The following INKA2 variants were observed in gnomAD, a reference collection of about 807,000 sequenced individuals.
INKA2 encodes inka box actin regulator 2.
INKA2 carries 3 observed loss-of-function variants against 9.8 expected under a neutral mutation model. That is an observed-to-expected ratio of 0.31 (90% confidence interval 0.14 to 0.79). The LOEUF (loss-of-function observed/expected upper bound fraction) is 0.79, where lower values mean the gene tolerates loss of function less well. Among genes scored for constraint, INKA2 ranks in the 30% least tolerant of loss-of-function variants. The probability of loss-of-function intolerance (pLI) is 0.62; values close to 1 mark genes in which losing one functional copy is unlikely to be tolerated. For missense variants in INKA2, 392 were observed against 384.4 expected (o/e 1.02, Z -0.17); for synonymous variants, 147 against 143.3 (o/e 1.03, Z -0.18).
upstream of INKA2, among the ~76,000 whole-genome samples, chr1:111,740,789 A>G (rs1436594656): frequency 6.6e-6 from 1 of 152,054 alleles, no homozygotes; most frequent in Non-Finnish European, 1.5e-5. Flanking sequence ...CCTGACCAAC[A>G]TGGAGAAACC....
At chr1:111,739,959 G>A (rs1195681681), upstream of INKA2, 1 of 152,270 alleles carries the variant, frequency 6.6e-6, no homozygotes, top group African/African-American at 2.4e-5. Context: ...GTCACACAAA[G>A]CCGCCGAGGG....
chr1:111,726,931 G>T lies in INKA2; in HGVS notation c.*37C>A. 6.3e-7 allele frequency: 1 copy of T among 1,586,664 alleles called. No individual in the cohort carries two copies. The highest frequency in any genetic ancestry group is 8.6e-7 in the Non-Finnish European group (1 of 1,162,514). The stretch of plus-strand genomic sequence containing the variant: ...CCCAGGGGCCCAGCACTGGGACCTG[G>T]CCCTTTCAGGCTCAGTCAACTTTCT... On this transcript the variant is annotated 3_prime_UTR_variant, in exon 2 of 2. Transcript: ENST00000357260.
At position 111,727,589 on chromosome 1, in the gene INKA2, A is replaced by G; in HGVS notation, c.273T>C (p.Cys91=). The G allele has an allele frequency of 6.2e-7, 1 of 1,611,556 alleles. No individual in the cohort carries two copies. The highest frequency in any genetic ancestry group is 8.5e-7 in the Non-Finnish European group (1 of 1,178,638). ...GGRGPARPTV[C]SPSSQPSLGS... Reference sequence around the variant, plus strand: ...CAAGAGAAGGTTGACTGGAGGGGGAACAGACTGTGGGCCTGGCAGGACCTC... The same window carrying G: ...CAAGAGAAGGTTGACTGGAGGGGGAGCAGACTGTGGGCCTGGCAGGACCTC... The change falls in exon 2 of 2, where the codon TGT becomes TGC. Residue 91 remains cysteine (C), a synonymous_variant. Coordinates refer to ENST00000357260, the MANE Select transcript of INKA2 (RefSeq NM_019099.5).
chr1:111,727,680 C>T lies in INKA2; in HGVS notation c.182G>A (p.Gly61Asp). 6.2e-7 allele frequency: 1 copy of T among 1,612,288 alleles called. No individual in the cohort carries two copies. The highest frequency in any genetic ancestry group is 8.5e-7 in the Non-Finnish European group (1 of 1,179,034). The change falls in exon 2 of 2, where the codon GGT becomes GAT. Residue 61 changes from glycine to aspartate, a missense_variant. Physicochemically the swap from Gly to Asp is moderately conservative, Grantham distance 94. Transcript: ENST00000357260. ...ACCTTCAGGGCTGCCTGGCACAGGA[C>T]CCCCTCCAGAGATCTCCAGCTGTTC... ...ALEQLEISGGGPVPGSPEGPR... is the reference protein window; with the variant it reads ...ALEQLEISGGDPVPGSPEGPR...
At position 111,724,994 on chromosome 1, in the gene INKA2, A is replaced by G. The variant is rs1048243386; in HGVS notation, c.*1974T>C. 6.6e-6 allele frequency: 1 copy of G among 152,246 alleles called. No homozygotes were observed. Among genetic ancestry groups the G allele is most frequent in the African/African-American group, 2.4e-5 (1 of 41,432 alleles). 9.4% of individuals were successfully genotyped at this position (152,246 alleles called of 1,614,324 possible). A position where few individuals can be genotyped will look rare whatever the true frequency, so the allele number is the denominator to read the frequency against. On this transcript the variant is annotated 3_prime_UTR_variant, in exon 2 of 2. Transcript: ENST00000357260. ...AGTGAGTGCTCAACAAAACCCAAAA[A>G]GCATGAGCGCCTTCCTCCCTCCTGC...
At chr1:111,751,049 C>T (rs911991676) in intron 1 of INKA2, among the ~76,000 whole-genome samples, 1 of 152,236 alleles carries the variant, frequency 6.6e-6, no homozygotes, top group African/African-American at 2.4e-5. Flanking sequence ...TCCACTCCCA[C>T]TGCCTGATGA....
At chr1:111,751,219 ACTTGAAG>A (rs1192931347) in intron 1 of INKA2, among the ~76,000 whole-genome samples, 1 of 152,234 alleles carries the variant, frequency 6.6e-6, no homozygotes, top group Non-Finnish European at 1.5e-5. Flanking sequence ...TTCCATACAT[ACTTGAAG>A]CAACTTTGAT....
intron 1 of INKA2, chr1:111,745,265 T>TTATATATATATATATATA (rs71078098): frequency 8.9e-5 from 4 of 45,106 alleles, no homozygotes; most frequent in Non-Finnish European, 1.2e-4. Context: ...CACAGAGATA[T>TTATATATATATATATATA]TATATATATA....
chr1:111,750,084 A>T (rs197380), intron 1 of INKA2, among the ~76,000 whole-genome samples: 20,665 of 152,300 alleles, frequency 0.14, 1,614 homozygotes, highest in African/African-American at 0.21. Flanking sequence ...AAAGAAGAGC[A>T]AACACGCCAC....
chr1:111,732,549 T>C (rs1662930551), intron 1 of INKA2, among the ~76,000 whole-genome samples: 1 of 146,824 alleles, frequency 6.8e-6, no homozygotes, highest in Non-Finnish European at 1.5e-5. Context: ...TCTAACCCAC[T>C]CCTAGTCTCT....
intron 1 of INKA2, among the ~76,000 whole-genome samples, chr1:111,751,315 A>G (rs1663407394): frequency 6.6e-6 from 1 of 152,242 alleles, no homozygotes; most frequent in African/African-American, 2.4e-5. Flanking sequence ...TCAGTTTCTC[A>G]GAAGTTCTCA....
At chr1:111,732,360 C>G (rs1374749907) in intron 1 of INKA2, among the ~76,000 whole-genome samples, 2 of 152,126 alleles carry the variant, frequency 1.3e-5, no homozygotes, top group Non-Finnish European at 2.9e-5. Flanking sequence ...AAATCCCGAG[C>G]AGACATGAGT....
At chr1:111,746,750 T>C (rs1271951695) in intron 1 of INKA2, 1 of 152,016 alleles carries the variant, frequency 6.6e-6, no homozygotes, top group African/African-American at 2.4e-5. Flanking sequence ...CCTTGGGAGG[T>C]AGGTGCTGCT....
intron 1 of INKA2, among the ~76,000 whole-genome samples, chr1:111,753,461 T>C (rs768618651): frequency 1.3e-5 from 2 of 152,208 alleles, no homozygotes; most frequent in African/African-American, 4.8e-5. Context: ...GAAAAAAAAT[T>C]TGTGTTATTC....
At chr1:111,745,285 ATATATATATTTTTTT>A (rs1404056751) in intron 1 of INKA2, 1 of 49,180 alleles carries the variant, frequency 2.0e-5, no homozygotes, top group African/African-American at 9.6e-5. Context: ...ATATATATAT[ATATATATATTTTTTT>A]TTTTTTTTTT....
Position 111,726,837 on chromosome 1 carries a change from C to T in INKA2, c.*131G>A, listed in dbSNP as rs1662780963. The stretch of plus-strand genomic sequence containing the variant: ...TCCTGAGCCAAGAACTCTGGCTTCT[C>T]CCCGCTTTCTGGGGGAAAGGAACTT... On this transcript the variant is annotated 3_prime_UTR_variant, in exon 2 of 2. Coordinates refer to ENST00000357260, the MANE Select transcript of INKA2 (RefSeq NM_019099.5). 1 of 958,692 alleles carries T rather than the reference C, an allele frequency of 1.0e-6. No individual in the cohort carries two copies. The allele number at this position is 958,692 out of a possible 1,614,324, so 59.4% of individuals were successfully genotyped here.
intron 1 of INKA2, among the ~76,000 whole-genome samples, chr1:111,733,386 G>C (rs1384887288): frequency 1.3e-5 from 2 of 152,148 alleles, no homozygotes; most frequent in Non-Finnish European, 2.9e-5. Flanking sequence ...CCCCAAGGCT[G>C]GCTTTCATAC....
upstream of INKA2, chr1:111,739,514 G>T (rs2101378041): frequency 1.7e-6 from 2 of 1,145,068 alleles, no homozygotes; most frequent in Non-Finnish European, 2.3e-6. Context: ...GGGAGGCCGG[G>T]CTGGGCGGCC....
In INKA2 at chr1:111,725,965, G is replaced by T; in HGVS notation, c.*1003C>A. On this transcript the variant is annotated 3_prime_UTR_variant, in exon 2 of 2. Coordinates refer to ENST00000357260, the MANE Select transcript of INKA2 (RefSeq NM_019099.5). ...TTGGCCAGGCTGGTCATGAACTCCT[G>T]ACCCCAGGTAATCCGCCTGCCTTGC... 2.5e-6 allele frequency: 1 copy of T among 394,244 alleles called. No individual in the cohort carries two copies. The highest frequency in any genetic ancestry group is 1.3e-4 in the South Asian group (1 of 7,564). 24.4% of individuals were successfully genotyped at this position (394,244 alleles called of 1,614,324 possible).
Sources: gnomAD v4.1 joint callset for allele counts (sites outside exome capture counted in the v4.1 genomes callset) on GRCh38, gnomAD v4.1.1 for gene constraint, MANE v1.5 for transcripts, NCBI Gene and HGNC (gene_info 2026-07-23, HGNC 2026-07-21) for gene names.